FTO: variants seen among roughly 807,000 people sequenced by gnomAD.
FTO encodes alpha-ketoglutarate-dependent dioxygenase FTO.
FTO carries 47 observed loss-of-function variants against 63.9 expected under a neutral mutation model. The observed-to-expected ratio is 0.74, with a 90% CI of 0.58 to 0.94. The LOEUF (loss-of-function observed/expected upper bound fraction) is 0.94, where lower values mean the gene tolerates loss of function less well. Ranked by LOEUF, FTO falls within the 40% of genes least tolerant of loss-of-function variation. FTO has a pLI of 0.00. For synonymous variants in FTO, 207 were observed against 224.4 expected (o/e 0.92, Z 0.69); for missense variants, 562 against 618.1 (o/e 0.91, Z 0.96).
At chr16:53,966,574 A>C (rs1275758481) in intron 8 of FTO, among the ~76,000 whole-genome samples, 4 of 152,218 alleles carry the variant, frequency 2.6e-5, no homozygotes, top group African/African-American at 9.6e-5. Context: ...CTATTAGCAC[A>C]TTCTCAAGAT....
intron 3 of FTO, among the ~76,000 whole-genome samples, chr16:53,828,494 A>G (rs907513983): frequency 6.6e-5 from 10 of 152,168 alleles, no homozygotes; most frequent in African/African-American, 9.7e-5. Flanking sequence ...GGCTTGAGCC[A>G]CCATGCCCGG....
intron 8 of FTO, among the ~76,000 whole-genome samples, chr16:54,093,643 T>C (rs1215071441): frequency 6.6e-6 from 1 of 152,208 alleles, no homozygotes; most frequent in Non-Finnish European, 1.5e-5. Context: ...GTTCCCAGAC[T>C]CCTCTATAAT....
Position 53,754,287 on chromosome 16 carries a change from G to A in FTO, c.45+50058G>A, listed in dbSNP as rs149617437. On this transcript the variant is annotated intron_variant, in intron 1 of 8. Coordinates refer to ENST00000471389, the MANE Select transcript of FTO (RefSeq NM_001080432.3). ...GATTACAAAGCTACTTAATTACAGA[G>A]CTGAATTTGGAATTTAGAATTCCAG... is the stretch of plus-strand genomic sequence containing the variant. Among the ~76,000 whole-genome samples the A allele has an allele frequency of 2.6e-5, 4 of 152,284 alleles. No homozygotes were observed. In the East Asian group the frequency reaches 5.8e-4, roughly 22 times the overall value.
intron 8 of FTO, among the ~76,000 whole-genome samples, chr16:54,048,126 T>TAA (rs71380060): frequency 1.4e-4 from 8 of 56,442 alleles, no homozygotes; most frequent in South Asian, 5.9e-4. Flanking sequence ...AAAAAAAAAT[T>TAA]AAAAAAAAAA....
intron 8 of FTO, among the ~76,000 whole-genome samples, chr16:54,100,448 G>T (rs1051590274): frequency 6.6e-6 from 1 of 152,038 alleles, no homozygotes; most frequent in African/African-American, 2.4e-5. Flanking sequence ...AGCTTCCCAG[G>T]CTCAAGTGAT....
intron 3 of FTO, among the ~76,000 whole-genome samples, chr16:53,833,025 G>A (rs569786581): frequency 1.3e-3 from 199 of 152,242 alleles, no homozygotes; most frequent in Middle Eastern, 0.01. Flanking sequence ...CCCAGAATTC[G>A]CACATGTTGT....
intron 8 of FTO, among the ~76,000 whole-genome samples, chr16:54,041,354 G>A (rs1223977882): frequency 2.0e-5 from 3 of 152,120 alleles, no homozygotes; most frequent in African/African-American, 4.8e-5. Flanking sequence ...GGGGGAAACC[G>A]CCTCCATGAT....
At chr16:53,743,166 G>A (rs1314240495) in intron 1 of FTO, among the ~76,000 whole-genome samples, 1 of 152,036 alleles carries the variant, frequency 6.6e-6, no homozygotes, top group East Asian at 1.9e-4. Context: ...CCCTTCATTT[G>A]CTACAAAAAT....
Position 53,891,358 on chromosome 16 carries a change from T to A in FTO, c.1239+2407T>A, listed in dbSNP as rs895613054. On this transcript the variant is annotated intron_variant, in intron 7 of 8. Transcript: ENST00000471389. ...TTTTGTTCAAGAGCTTTTTTTTTTT[T>A]ATTTTTTTTAAGTAAAATCTGGCCC... 2.0e-5 allele frequency among the ~76,000 whole-genome samples: 3 copies of A among 150,970 alleles called. No individual in the cohort carries two copies. The South Asian group carries it at 6.3e-4, about 32-fold the overall frequency.
chr16:53,866,508 C>T (rs912228917), intron 4 of FTO, among the ~76,000 whole-genome samples: 12 of 152,112 alleles, frequency 7.9e-5, no homozygotes, highest in African/African-American at 1.7e-4. Flanking sequence ...TTGGGCCTGG[C>T]GCTTTGGAAA....
chr16:53,833,190 G>A (rs939886828), intron 3 of FTO, among the ~76,000 whole-genome samples: 3 of 152,174 alleles, frequency 2.0e-5, no homozygotes, highest in Non-Finnish European at 4.4e-5. Context: ...CATGTAAGAA[G>A]TGCCTTTTGC....
intron 8 of FTO, among the ~76,000 whole-genome samples, chr16:54,005,673 T>TAAAGA: frequency 6.6e-6 from 1 of 152,158 alleles, no homozygotes; most frequent in African/African-American, 2.4e-5. Context: ...CATGAAGTAT[T>TAAAGA]TATCAAACAA....
intron 8 of FTO, among the ~76,000 whole-genome samples, chr16:54,037,297 C>G (rs1444785821): frequency 1.3e-5 from 2 of 152,156 alleles, no homozygotes; most frequent in African/African-American, 4.8e-5. Flanking sequence ...GAATGTGGCA[C>G]ACATCCAATG....
intron 1 of FTO, among the ~76,000 whole-genome samples, chr16:53,719,658 C>A (rs1184285796): frequency 7.4e-6 from 1 of 135,724 alleles, no homozygotes; most frequent in African/African-American, 2.7e-5. Flanking sequence ...TTTAAACAAG[C>A]TCTTGAATTT....
rs139020326 is a variant in FTO, at chr16:54,107,565, A to G, written c.1365-4197A>G. On this transcript the variant is annotated intron_variant, in intron 8 of 8. Coordinates refer to ENST00000471389, the MANE Select transcript of FTO (RefSeq NM_001080432.3). The stretch of plus-strand genomic sequence containing the variant: ...TACCCAGGTATTCTCTGCACACACT[A>G]CGCTGTATCAACCACAACATCTCAG... Among the ~76,000 whole-genome samples the G allele has an allele frequency of 6.1e-3, 922 of 152,302 alleles. 7 individuals carry two copies. Among genetic ancestry groups the G allele is most frequent in the Non-Finnish European group, 8.2e-3 (556 of 68,024 alleles).
At chr16:53,846,325 G>T (rs757078650) in intron 4 of FTO, among the ~76,000 whole-genome samples, 15 of 151,850 alleles carry the variant, frequency 9.9e-5, no homozygotes, top group Non-Finnish European at 7.4e-5. Flanking sequence ...GGTAAACATT[G>T]TTTCATTTTT....
chr16:53,913,944 A>G (rs1474549575), intron 7 of FTO, among the ~76,000 whole-genome samples: 1 of 149,470 alleles, frequency 6.7e-6, no homozygotes, highest in Non-Finnish European at 1.5e-5. Flanking sequence ...ACACCACTGC[A>G]CTCCGGCTTG....
At chr16:54,061,014 G>A (rs577145050) in intron 8 of FTO, among the ~76,000 whole-genome samples, 77 of 152,162 alleles carry the variant, frequency 5.1e-4, no homozygotes, top group Non-Finnish European at 8.5e-4. Flanking sequence ...AACAGACCAG[G>A]CATCACTCTC....
intron 3 of FTO, among the ~76,000 whole-genome samples, chr16:53,832,378 C>T (rs1303317511): frequency 6.6e-6 from 1 of 152,156 alleles, no homozygotes; most frequent in African/African-American, 2.4e-5. Flanking sequence ...TTCCTTGTGC[C>T]CCTTTGCAAT....
Sources: gnomAD v4.1 joint callset for allele counts (sites outside exome capture counted in the v4.1 genomes callset) on GRCh38, gnomAD v4.1.1 for gene constraint, MANE v1.5 for transcripts, NCBI Gene and HGNC (gene_info 2026-07-23, HGNC 2026-07-21) for gene names.